ARPP19: variants seen among roughly 807,000 people sequenced by gnomAD.
The protein encoded by ARPP19 is cAMP regulated phosphoprotein 19.
ARPP19 carries 8 observed loss-of-function variants against 12.0 expected under a neutral mutation model. The ratio of observed to expected loss-of-function variants is 0.67; its 90% CI spans 0.39 to 1.21. The LOEUF (loss-of-function observed/expected upper bound fraction) is 1.21, where lower values mean the gene tolerates loss of function less well. Among genes scored for constraint, ARPP19 ranks in the 50% most tolerant of loss-of-function variants. The pLI is 0.01. For synonymous variants in ARPP19, 47 were observed against 50.4 expected, an observed-to-expected ratio of 0.93 and a Z score of 0.29; for missense variants, 102 against 136.3, an observed-to-expected ratio of 0.75 and a Z score of 1.25.
intron 1 of ARPP19, among the ~76,000 whole-genome samples, chr15:52,564,822 T>C (rs1354999984): frequency 6.6e-6 from 1 of 152,202 alleles, no homozygotes; most frequent in Non-Finnish European, 1.5e-5. Context: ...GCTAAGGTTT[T>C]CATCTTACCA....
chr15:52,557,390 A>G, intron 1 of ARPP19, 168 bp from the exon 2 acceptor site: 1 of 593,344 alleles, frequency 1.7e-6, no homozygotes, highest in East Asian at 2.9e-5. Flanking sequence ...CTTGTTTTTC[A>G]AAAGATCCAT....
chr15:52,568,646 G>A, intron 1 of ARPP19: 1 of 479,814 alleles, frequency 2.1e-6, no homozygotes, highest in South Asian at 3.5e-5. Flanking sequence ...GCACGATTCG[G>A]AGTAAACGCG....
chr15:52,552,378 T>G (rs925324535), intron 2 of ARPP19, among the ~76,000 whole-genome samples: 2 of 151,578 alleles, frequency 1.3e-5, no homozygotes, highest in Non-Finnish European at 2.9e-5. Flanking sequence ...CAGGCCAGCC[T>G]GGCCAATATG....
intron 2 of ARPP19, among the ~76,000 whole-genome samples, chr15:52,553,282 T>G (rs1287229903): frequency 6.6e-6 from 1 of 152,182 alleles, no homozygotes; most frequent in Admixed American, 6.5e-5. Flanking sequence ...TTACTTAAAA[T>G]GCATATCCCT....
intron 1 of ARPP19, among the ~76,000 whole-genome samples, chr15:52,560,286 G>C (rs1201540105): frequency 6.6e-6 from 1 of 152,030 alleles, no homozygotes; most frequent in Non-Finnish European, 1.5e-5. Context: ...ATGAGCCACT[G>C]GGCCCAGCCG....
At chr15:52,557,473 G>T in intron 1 of ARPP19, 1 of 375,464 alleles carries the variant, frequency 2.7e-6, no homozygotes, top group Non-Finnish European at 4.8e-6. Flanking sequence ...AGATAGCTCA[G>T]CTCTGAAGTC....
intron 1 of ARPP19, among the ~76,000 whole-genome samples, chr15:52,560,981 T>C (rs914737643): frequency 6.6e-6 from 1 of 152,228 alleles, no homozygotes; most frequent in Non-Finnish European, 1.5e-5. Flanking sequence ...GGAAACACCA[T>C]CTTCCTCCCT....
chr15:52,557,119 C>G lies in ARPP19; in HGVS notation c.149G>C (p.Arg50Thr). 1 of 1,612,112 alleles carries G rather than the reference C, an allele frequency of 6.2e-7. No homozygotes were observed. The highest frequency in any genetic ancestry group is 2.2e-5 in the East Asian group (1 of 44,810). Reference protein sequence around the residue: ...GQKPGGSDFLRKRLQKGQKYF... With the variant: ...GQKPGGSDFLTKRLQKGQKYF... ...ACTTACCCCTTTCTGCAACCGTTTC[C>G]TTAAGAAATCTGAACCTCCAGGCTT... The change falls in exon 2 of 3, where the codon AGG becomes ACG. Residue 50 changes from arginine to threonine, a missense_variant. Coordinates refer to ENST00000249822, the MANE Select transcript of ARPP19 (RefSeq NM_006628.6).
chr15:52,565,926 C>A (rs1305314443), intron 1 of ARPP19, among the ~76,000 whole-genome samples: 4 of 152,178 alleles, frequency 2.6e-5, no homozygotes, highest in Middle Eastern at 3.2e-3. Context: ...ACGATCTCGG[C>A]TAACTGCACC....
At chr15:52,568,792 C>A in intron 1 of ARPP19, 56 bp downstream of exon 1, 1 of 1,377,022 alleles carries the variant, frequency 7.3e-7, no homozygotes, top group Non-Finnish European at 9.7e-7. Flanking sequence ...CGGGAGCAGG[C>A]CGCCCGCCAG....
chr15:52,561,848 G>C (rs973168420), intron 1 of ARPP19, among the ~76,000 whole-genome samples: 2 of 149,128 alleles, frequency 1.3e-5, no homozygotes, highest in African/African-American at 4.9e-5. Context: ...GACATAGGTT[G>C]AAAGTAAAAA....
At chr15:52,564,193 T>TAG (rs1355044747) in intron 1 of ARPP19, 1 of 1,531,928 alleles carries the variant, frequency 6.5e-7, no homozygotes, top group Non-Finnish European at 8.7e-7. Context: ...GGTTTACCTC[T>TAG]AGGCTGTTAG....
intron 1 of ARPP19, among the ~76,000 whole-genome samples, chr15:52,566,075 C>G (rs1232058118): frequency 6.6e-6 from 1 of 151,868 alleles, no homozygotes; most frequent in Non-Finnish European, 1.5e-5. Flanking sequence ...AGGCTGGTAT[C>G]GAACTCCTGA....
intron 1 of ARPP19, 139 bp downstream of exon 1, chr15:52,568,709 G>A: frequency 1.9e-6 from 1 of 536,470 alleles, no homozygotes; most frequent in Non-Finnish European, 3.2e-6. Context: ...ACGGCGGGAA[G>A]CCAAAGGTGG....
At chr15:52,565,634 T>C (rs1468640741) in intron 1 of ARPP19, among the ~76,000 whole-genome samples, 1 of 152,202 alleles carries the variant, frequency 6.6e-6, no homozygotes, top group Non-Finnish European at 1.5e-5. Context: ...ATTGTATCTA[T>C]GACTCTGGAA....
At chr15:52,564,558 A>C (rs752564745) in intron 1 of ARPP19, among the ~76,000 whole-genome samples, 7 of 152,362 alleles carry the variant, frequency 4.6e-5, no homozygotes, top group Non-Finnish European at 1.0e-4. Flanking sequence ...ATATATTAAA[A>C]TAATGCAGAT....
intron 1 of ARPP19, among the ~76,000 whole-genome samples, chr15:52,564,857 A>G (rs1414033849): frequency 1.3e-5 from 2 of 152,190 alleles, no homozygotes; most frequent in Non-Finnish European, 2.9e-5. Context: ...CTGTGGTACT[A>G]GCATTGTCAT....
At chr15:52,566,429 G>A (rs1237713736) in intron 1 of ARPP19, among the ~76,000 whole-genome samples, 1 of 152,016 alleles carries the variant, frequency 6.6e-6, no homozygotes, top group Non-Finnish European at 1.5e-5. Context: ...AAAGTGCTGG[G>A]ATTACAGCTG....
At chr15:52,556,681 A>T (rs1458133084) in intron 2 of ARPP19, among the ~76,000 whole-genome samples, 4 of 152,174 alleles carry the variant, frequency 2.6e-5, no homozygotes, top group African/African-American at 7.2e-5. Flanking sequence ...GCAGAAGGAT[A>T]AACACCAGCT....
Sources: allele counts gnomAD v4.1 joint callset (sites outside exome capture counted in the v4.1 genomes callset), GRCh38; gene constraint gnomAD v4.1.1; transcripts MANE v1.5; gene names NCBI Gene and HGNC (gene_info 2026-07-23, HGNC 2026-07-21).